Variants in FHIP1A observed in about 807,000 individuals in gnomAD.
FHIP1A encodes FHF complex subunit HOOK-interacting protein 1A.
FHIP1A carries 61 observed loss-of-function variants against 88.6 expected under a neutral mutation model. That is an observed-to-expected ratio of 0.69 (90% CI 0.56 to 0.85). FHIP1A has a LOEUF of 0.85. Ranked by LOEUF, FHIP1A falls within the 40% of genes least tolerant of loss-of-function variation. The pLI, the probability that FHIP1A is intolerant of heterozygous loss-of-function variation, is 0.00. For synonymous variants in FHIP1A, 478 were observed against 496.0 expected, an observed-to-expected ratio of 0.96 and a Z score of 0.48; for missense variants, 1,154 against 1,273.5, an observed-to-expected ratio of 0.91 and a Z score of 1.43.
At chr4:151,647,616 T>C (rs1736848163) in intron 10 of FHIP1A, among the ~76,000 whole-genome samples, 2 of 152,268 alleles carry the variant, frequency 1.3e-5, no homozygotes, top group South Asian at 4.1e-4. Flanking sequence ...ATTAAGGTTG[T>C]CTTACGGATT....
intron 1 of FHIP1A, among the ~76,000 whole-genome samples, chr4:151,419,513 CT>C (rs1733031998): frequency 6.8e-6 from 1 of 146,674 alleles, no homozygotes; most frequent in Non-Finnish European, 1.5e-5. Flanking sequence ...CATTTATGAT[CT>C]GGTGCTCTGT....
At chr4:151,571,929 C>T (rs1042761040) in intron 4 of FHIP1A, among the ~76,000 whole-genome samples, 1 of 152,188 alleles carries the variant, frequency 6.6e-6, no homozygotes, top group Non-Finnish European at 1.5e-5. Context: ...TGAGCATGGC[C>T]GGGTGCAGTG....
intron 3 of FHIP1A, among the ~76,000 whole-genome samples, chr4:151,520,932 T>C (rs2126694639): frequency 6.6e-6 from 1 of 152,326 alleles, no homozygotes; most frequent in African/African-American, 2.4e-5. Context: ...TTTGCATGCA[T>C]GTTGCAAGAT....
chr4:151,597,019 A>G (rs1389994808), intron 7 of FHIP1A, among the ~76,000 whole-genome samples: 2 of 152,032 alleles, frequency 1.3e-5, no homozygotes, highest in Non-Finnish European at 2.9e-5. Context: ...TCTGAAGCCT[A>G]CTTCTGTCAA....
At chr4:151,472,919 C>A (rs937780906) in intron 2 of FHIP1A, among the ~76,000 whole-genome samples, 3 of 152,118 alleles carry the variant, frequency 2.0e-5, no homozygotes, top group African/African-American at 7.2e-5. Context: ...GACCATTGCA[C>A]AATAAACTCC....
intron 1 of FHIP1A, among the ~76,000 whole-genome samples, chr4:151,433,374 G>A (rs1344906261): frequency 6.6e-6 from 1 of 151,784 alleles, no homozygotes; most frequent in Non-Finnish European, 1.5e-5. Context: ...CTGATGAGAT[G>A]TGGAAAGTTA....
intron 3 of FHIP1A, among the ~76,000 whole-genome samples, chr4:151,555,723 CAGAGATAT>C (rs1342383418): frequency 1.3e-5 from 2 of 152,038 alleles, no homozygotes; most frequent in Non-Finnish European, 2.9e-5. Context: ...ACCCATGATT[CAGAGATAT>C]ATTAGTCACT....
At chr4:151,579,714 A>T (rs901462245) in intron 5 of FHIP1A, among the ~76,000 whole-genome samples, 1 of 152,242 alleles carries the variant, frequency 6.6e-6, no homozygotes, top group African/African-American at 2.4e-5. Flanking sequence ...GGAAAGCTCT[A>T]CAGCTTGTAG....
Position 151,452,957 on chromosome 4 carries a change from C to CAT in FHIP1A, c.-355-1743_-355-1742insTA, listed in dbSNP as rs761563497. ...AAACGTATATATATATATATACATA[C>CAT]ACACACACACACACACACAAACATA... On this transcript the variant is annotated intron_variant, in intron 1 of 13. Transcript: ENST00000435205. Among the ~76,000 whole-genome samples, 1,022 of 144,448 alleles carry CAT rather than the reference C, an allele frequency of 7.1e-3. 8 individuals are homozygous for CAT. The highest frequency in any genetic ancestry group is 0.025 in the Middle Eastern group (7 of 276). 94.8% of individuals were successfully genotyped at this position (144,448 alleles called of 152,430 possible).
intron 7 of FHIP1A, among the ~76,000 whole-genome samples, chr4:151,598,310 C>A (rs993108576): frequency 1.3e-5 from 2 of 152,146 alleles, no homozygotes; most frequent in African/African-American, 4.8e-5. Flanking sequence ...CCTCGAGCTT[C>A]CCAGTGAGGC....
intron 3 of FHIP1A, among the ~76,000 whole-genome samples, chr4:151,518,370 A>G (rs1263227590): frequency 3.3e-5 from 5 of 152,140 alleles, no homozygotes; most frequent in Non-Finnish European, 5.9e-5. Flanking sequence ...AGTATACTCT[A>G]TGATATTTTC....
At chr4:151,471,865 A>T (rs1448064618) in intron 2 of FHIP1A, among the ~76,000 whole-genome samples, 1 of 152,032 alleles carries the variant, frequency 6.6e-6, no homozygotes, top group East Asian at 1.9e-4. Flanking sequence ...AGAACATACA[A>T]TGTTTGTTTT....
chr4:151,645,298 A>G (rs1736749102), intron 9 of FHIP1A, among the ~76,000 whole-genome samples: 1 of 152,158 alleles, frequency 6.6e-6, no homozygotes, highest in South Asian at 2.1e-4. Context: ...CAAGTTTGCT[A>G]TATCATACCT....
chr4:151,472,803 T>G (rs1415943008), intron 2 of FHIP1A, among the ~76,000 whole-genome samples: 3 of 152,184 alleles, frequency 2.0e-5, no homozygotes, highest in Non-Finnish European at 4.4e-5. Context: ...GTTGGGATTA[T>G]AAAACATGCA....
intron 7 of FHIP1A, among the ~76,000 whole-genome samples, chr4:151,625,817 CA>C (rs1474805191): frequency 3.3e-5 from 5 of 152,044 alleles, no homozygotes; most frequent in African/African-American, 1.2e-4. Flanking sequence ...TAGCCTAAGA[CA>C]AAAAAGAGTA....
rs368401659 is a variant in FHIP1A at position 151,629,695 on chromosome 4, G to A, written c.979-7G>A. On this transcript the variant is annotated splice_polypyrimidine_tract_variant and splice_region_variant and intron_variant, in intron 7 of 13. Coordinates refer to ENST00000435205, the MANE Select transcript of FHIP1A (RefSeq NM_001109977.3). ...CTCACCTGTGCTCACTCCGTTGTTT[G>A]TCCTAGGTGACTGTGGAAGAGGTCA... is the stretch of plus-strand genomic sequence containing the variant. 1.7e-5 allele frequency: 27 copies of A among 1,550,392 alleles called. No homozygotes were observed. The highest frequency in any genetic ancestry group is 2.4e-5 in the Non-Finnish European group (27 of 1,146,252).
At chr4:151,514,525 T>C (rs1731155250) in intron 3 of FHIP1A, among the ~76,000 whole-genome samples, 3 of 151,630 alleles carry the variant, frequency 2.0e-5, no homozygotes, top group Admixed American at 2.0e-4. Context: ...GCTGGTTTTT[T>C]GAAAGGATCA....
chr4:151,601,189 CCTT>C (rs1168177953), intron 7 of FHIP1A, among the ~76,000 whole-genome samples: 2 of 152,142 alleles, frequency 1.3e-5, no homozygotes, highest in African/African-American at 2.4e-5. Context: ...AACTAAGTTT[CCTT>C]CTTCTTCCTT....
intron 3 of FHIP1A, among the ~76,000 whole-genome samples, chr4:151,543,624 G>C (rs932257521): frequency 6.6e-6 from 1 of 152,022 alleles, no homozygotes. Context: ...GGCATTATAC[G>C]TACACACATT....
Sources: gnomAD v4.1 joint callset for allele counts (sites outside exome capture counted in the v4.1 genomes callset) on GRCh38, gnomAD v4.1.1 for gene constraint, MANE v1.5 for transcripts, NCBI Gene and HGNC (gene_info 2026-07-23, HGNC 2026-07-21) for gene names.